Variants in VPS37A observed in about 807,000 individuals in gnomAD.
VPS37A encodes VPS37A subunit of ESCRT-I, also known as vacuolar protein sorting-associated protein 37A.
In VPS37A, 30 loss-of-function variants were observed where a neutral mutation model predicts 49.8. The ratio of observed to expected loss-of-function variants is 0.60; its 90% CI spans 0.45 to 0.82. The LOEUF (loss-of-function observed/expected upper bound fraction) is 0.82, where lower values mean the gene tolerates loss of function less well. Ranked by LOEUF, VPS37A falls within the 40% of genes least tolerant of loss-of-function variation. The probability of loss-of-function intolerance (pLI) is 0.00; values close to 1 mark genes in which losing one functional copy is unlikely to be tolerated. For missense variants in VPS37A, 593 were observed against 464.4 expected, an observed-to-expected ratio of 1.28 and a Z score of -2.55; for synonymous variants, 195 against 160.6, an observed-to-expected ratio of 1.21 and a Z score of -1.62.
At chr8:17,310,240 A>G in the VPS37A span, among the ~76,000 whole-genome samples, 1 of 151,992 alleles carries the variant, frequency 6.6e-6, no homozygotes, top group African/African-American at 2.4e-5. Flanking sequence ...GGCTCCAGCA[A>G]GCCTCCCTCC....
the VPS37A span, among the ~76,000 whole-genome samples, chr8:17,318,961 C>G: frequency 6.6e-6 from 1 of 152,260 alleles, no homozygotes; most frequent in African/African-American, 2.4e-5. Flanking sequence ...TCCTGCTTCC[C>G]TGATCGAACT....
chr8:17,316,630 C>A, the VPS37A span, among the ~76,000 whole-genome samples: 5 of 151,940 alleles, frequency 3.3e-5, no homozygotes, highest in East Asian at 7.7e-4. Flanking sequence ...GTCAACCAAC[C>A]ACAGAGCACA....
intron 11 of VPS37A, among the ~76,000 whole-genome samples, chr8:17,292,894 C>T (rs1164672161): frequency 6.6e-6 from 1 of 152,126 alleles, no homozygotes; most frequent in Non-Finnish European, 1.5e-5. Flanking sequence ...AACATTTTTT[C>T]CTTCATTTCA....
chr8:17,281,299 A>AT (rs1482651868), intron 9 of VPS37A, among the ~76,000 whole-genome samples: 1 of 151,996 alleles, frequency 6.6e-6, no homozygotes, highest in Non-Finnish European at 1.5e-5. Flanking sequence ...GCACAGGGAG[A>AT]TTAAATAAAT....
At chr8:17,313,869 C>T in the VPS37A span, among the ~76,000 whole-genome samples, 2 of 152,126 alleles carry the variant, frequency 1.3e-5, no homozygotes, top group Admixed American at 6.6e-5. Context: ...CAAGACAGAG[C>T]GATCCTAAAT....
At chr8:17,282,566 T>A (rs1403751505) in intron 9 of VPS37A, among the ~76,000 whole-genome samples, 1 of 152,156 alleles carries the variant, frequency 6.6e-6, no homozygotes, top group Non-Finnish European at 1.5e-5. Flanking sequence ...AGGGTACAGA[T>A]ATTTTTAGCC....
chr8:17,327,050 A>T, the VPS37A span, among the ~76,000 whole-genome samples: 68 of 152,336 alleles, frequency 4.5e-4, no homozygotes, highest in African/African-American at 1.6e-3. Flanking sequence ...AGTGAATAAG[A>T]ATATGCAAGC....
At chr8:17,330,541 T>C in the VPS37A span, among the ~76,000 whole-genome samples, 1 of 152,260 alleles carries the variant, frequency 6.6e-6, no homozygotes, top group African/African-American at 2.4e-5. Flanking sequence ...ATATGGCTGG[T>C]TGGCCACATG....
chr8:17,248,984 A>G (rs899769054), intron 1 of VPS37A, among the ~76,000 whole-genome samples: 3 of 152,248 alleles, frequency 2.0e-5, no homozygotes, highest in African/African-American at 7.2e-5. Context: ...CGTTTTTAAC[A>G]TGTTTGTTCC....
chr8:17,317,704 G>A, the VPS37A span, among the ~76,000 whole-genome samples: 1 of 152,152 alleles, frequency 6.6e-6, no homozygotes, highest in African/African-American at 2.4e-5. Flanking sequence ...TCGTTTCAGA[G>A]ATACCTGATG....
rs1041374337 is a variant in VPS37A at position 17,247,018 on chromosome 8, T to G, written c.-227T>G. Reference sequence around the variant, plus strand: ...GCGTCTGGGCCGTGAAGGTGGGACCTCCTGTTCCGGGCCGCAAGTTTCCCT... The same window carrying G: ...GCGTCTGGGCCGTGAAGGTGGGACCGCCTGTTCCGGGCCGCAAGTTTCCCT... On this transcript the variant is annotated 5_prime_UTR_variant, in exon 1 of 12. Transcript: ENST00000324849. 5 of 594,122 alleles carry G rather than the reference T, an allele frequency of 8.4e-6. No individual in the cohort carries two copies. Among genetic ancestry groups the G allele is most frequent in the South Asian group, 7.9e-5 (4 of 50,386 alleles). The allele number at this position is 594,122 out of a possible 1,614,324, so 36.8% of individuals were successfully genotyped here.
At chr8:17,287,028 A>G (rs1233377971) in intron 11 of VPS37A, among the ~76,000 whole-genome samples, 1 of 152,186 alleles carries the variant, frequency 6.6e-6, no homozygotes, top group Non-Finnish European at 1.5e-5. Flanking sequence ...CAGATCATCC[A>G]TTTTAACTTT....
chr8:17,310,244 T>C, the VPS37A span, among the ~76,000 whole-genome samples: 1 of 151,948 alleles, frequency 6.6e-6, no homozygotes, highest in East Asian at 1.9e-4. Flanking sequence ...CCAGCAAGCC[T>C]CCCTCCTTAA....
rs1198977697 is a variant in VPS37A, at chr8:17,265,987, T to G, written c.200+6T>G. 1 of 1,605,242 alleles carries G rather than the reference T, an allele frequency of 6.2e-7. No individual in the cohort carries two copies. Among genetic ancestry groups the G allele is most frequent in the Admixed American group, 1.7e-5 (1 of 59,180 alleles). ...CTGACAATTAACATTAATATGTGAGTAGAATTGTATCCTACTTTTTCATGT... is the reference window on the plus strand; with the variant it reads ...CTGACAATTAACATTAATATGTGAGGAGAATTGTATCCTACTTTTTCATGT... On this transcript the variant is annotated splice_donor_region_variant and intron_variant, in intron 2 of 11. Transcript: ENST00000324849.
downstream of VPS37A, among the ~76,000 whole-genome samples, chr8:17,303,554 C>A (rs1817261963): frequency 6.6e-6 from 1 of 151,636 alleles, no homozygotes; most frequent in Admixed American, 6.6e-5. Context: ...TAGCACATAC[C>A]TAGTAGAACT....
chr8:17,247,836 T>C (rs1408065677), intron 1 of VPS37A: 2 of 692,966 alleles, frequency 2.9e-6, no homozygotes, highest in African/African-American at 3.5e-5. Context: ...TTTTCATCAG[T>C]GAATGCTTCT....
the VPS37A span, among the ~76,000 whole-genome samples, chr8:17,316,014 T>C: frequency 6.6e-6 from 1 of 152,132 alleles, no homozygotes; most frequent in African/African-American, 2.4e-5. Context: ...AGATCCTATC[T>C]CTAAAAAATA....
At chr8:17,294,661 A>C (rs757843791) in intron 11 of VPS37A, among the ~76,000 whole-genome samples, 2 of 152,156 alleles carry the variant, frequency 1.3e-5, no homozygotes, top group Non-Finnish European at 2.9e-5. Context: ...CAGTCCCTCA[A>C]GGCTTCCCTT....
downstream of VPS37A, chr8:17,298,361 TTAACAG>T (rs1371834120): frequency 2.0e-5 from 3 of 152,110 alleles, no homozygotes; most frequent in African/African-American, 7.2e-5. Flanking sequence ...ATTTTTTACA[TTAACAG>T]TACTTTTAAA....
Sources: allele counts gnomAD v4.1 joint callset (sites outside exome capture counted in the v4.1 genomes callset), GRCh38; gene constraint gnomAD v4.1.1; transcripts MANE v1.5; gene names NCBI Gene and HGNC (gene_info 2026-07-23, HGNC 2026-07-21).